Variants in ANKS1B observed in about 807,000 individuals in gnomAD.
The protein encoded by ANKS1B is ankyrin repeat and sterile alpha motif domain containing 1B, also known as ankyrin repeat and sterile alpha motif domain-containing protein 1B.
A neutral mutation model predicts 148.3 loss-of-function variants in ANKS1B; 36 were observed. The observed-to-expected ratio is 0.24, with a 90% CI of 0.19 to 0.32. The LOEUF is 0.32. ANKS1B is among the 10% of genes least tolerant of loss of function. The pLI, the probability that ANKS1B is intolerant of heterozygous loss-of-function variation, is 1.00. For missense variants in ANKS1B, 1,157 were observed against 1,542.6 expected (o/e 0.75, Z 4.19); for synonymous variants, 542 against 560.8 (o/e 0.97, Z 0.47).
intron 16 of ANKS1B, among the ~76,000 whole-genome samples, chr12:99,069,020 C>T (rs1032821891): frequency 2.0e-5 from 3 of 152,198 alleles, no homozygotes; most frequent in Admixed American, 1.3e-4. Flanking sequence ...AGGCAGAACT[C>T]CTTGAGGCAG....
At chr12:99,513,438 T>A (rs143285030) in intron 9 of ANKS1B, among the ~76,000 whole-genome samples, 93 of 152,188 alleles carry the variant, frequency 6.1e-4, no homozygotes, top group African/African-American at 2.2e-3. Flanking sequence ...AGCGTTTAAA[T>A]TGATTTTACT....
chr12:99,602,517 G>A (rs2097810552), intron 9 of ANKS1B, among the ~76,000 whole-genome samples: 1 of 151,972 alleles, frequency 6.6e-6, no homozygotes, highest in Non-Finnish European at 1.5e-5. Context: ...TTCTAGATTT[G>A]GCCTCAAAGT....
At chr12:99,795,482 C>G (rs999063417) in intron 4 of ANKS1B, among the ~76,000 whole-genome samples, 3 of 151,902 alleles carry the variant, frequency 2.0e-5, no homozygotes, top group African/African-American at 7.2e-5. Context: ...TGAGTGGTTA[C>G]TTACAACTCT....
chr12:99,532,992 T>C (rs1289611875), intron 9 of ANKS1B, among the ~76,000 whole-genome samples: 1 of 152,250 alleles, frequency 6.6e-6, no homozygotes, highest in East Asian at 1.9e-4. Context: ...TCCTTAGGAC[T>C]GCTTTTGCTA....
At chr12:98,767,929 C>T (rs185623927) in intron 25 of ANKS1B, among the ~76,000 whole-genome samples, 2 of 152,282 alleles carry the variant, frequency 1.3e-5, no homozygotes, top group East Asian at 3.9e-4. Flanking sequence ...TCTGGCAGTC[C>T]CATTTGTGTA....
chr12:99,301,928 G>A (rs997805916), intron 12 of ANKS1B, among the ~76,000 whole-genome samples: 1 of 152,072 alleles, frequency 6.6e-6, no homozygotes, highest in Non-Finnish European at 1.5e-5. Flanking sequence ...AGCGGGAAAA[G>A]GATATAATTT....
rs34024548 is a variant in ANKS1B at position 99,193,793 on chromosome 12, CTTTTTTTTTTTT to C, written c.2420-39410_2420-39399del. Among the ~76,000 whole-genome samples, 9 of 66,840 alleles carry C rather than the reference CTTTTTTTTTTTT, an allele frequency of 1.3e-4. No individual in the cohort carries two copies. In the South Asian group the frequency reaches 3.8e-3, roughly 28 times the overall value. 43.8% of individuals were successfully genotyped at this position (66,840 alleles called of 152,430 possible). A position where few individuals can be genotyped will look rare whatever the true frequency, so the allele number is the denominator to read the frequency against. ...ACAGATTTTCCATGTATTTCTAGTT[CTTTTTTTTTTTT>C]TTTTTTTTTTTTTTGAGATGGAGTC... On this transcript the variant is annotated intron_variant, in intron 14 of 26. Transcript: ENST00000683438.
chr12:98,907,436 G>A (rs2099780828), intron 17 of ANKS1B, among the ~76,000 whole-genome samples: 1 of 152,134 alleles, frequency 6.6e-6, no homozygotes, highest in Non-Finnish European at 1.5e-5. Context: ...GTCTCATGCT[G>A]GTCCTGCTCA....
intron 17 of ANKS1B, among the ~76,000 whole-genome samples, chr12:98,901,035 T>A (rs911527323): frequency 6.6e-6 from 1 of 152,238 alleles, no homozygotes; most frequent in Non-Finnish European, 1.5e-5. Flanking sequence ...TCATTTTTTT[T>A]AGTAATTAGT....
At chr12:99,238,400 C>T (rs527568957) in intron 14 of ANKS1B, among the ~76,000 whole-genome samples, 32 of 152,268 alleles carry the variant, frequency 2.1e-4, no homozygotes, top group African/African-American at 5.8e-4. Flanking sequence ...ACAAAGCAGC[C>T]GGGAAGCTCC....
At chr12:99,972,995 ATC>A (rs2095578786) in intron 1 of ANKS1B, among the ~76,000 whole-genome samples, 1 of 152,188 alleles carries the variant, frequency 6.6e-6, no homozygotes, top group African/African-American at 2.4e-5. Context: ...ATGACAGCAC[ATC>A]TGTTTGTAGC....
chr12:99,262,633 T>C (rs968180688), intron 12 of ANKS1B, among the ~76,000 whole-genome samples: 1 of 152,050 alleles, frequency 6.6e-6, no homozygotes, highest in Non-Finnish European at 1.5e-5. Context: ...ATGGACATTA[T>C]TTTCCCCCAA....
intron 11 of ANKS1B, among the ~76,000 whole-genome samples, chr12:99,442,231 T>G (rs1393527831): frequency 2.0e-5 from 3 of 151,910 alleles, no homozygotes; most frequent in African/African-American, 4.8e-5. Flanking sequence ...GGTGTCACTA[T>G]GTTACCCAGA....
At chr12:99,843,965 C>T (rs546661417) in intron 1 of ANKS1B, among the ~76,000 whole-genome samples, 6 of 152,038 alleles carry the variant, frequency 3.9e-5, no homozygotes, top group Admixed American at 2.6e-4. Flanking sequence ...GAGATGGTAT[C>T]TCATGTCGTT....
chr12:99,424,418 C>CATGTATAATTGCAATTATTATGTAGATA (rs1426582402), intron 11 of ANKS1B, among the ~76,000 whole-genome samples: 1 of 148,672 alleles, frequency 6.7e-6, no homozygotes, highest in Non-Finnish European at 1.5e-5. Context: ...TAAGAATTAA[C>CATGTATAATTGCAATTATTATGTAGATA]TCCAGAAATA....
chr12:99,165,266 T>A (rs1401077768), intron 14 of ANKS1B, among the ~76,000 whole-genome samples: 1 of 151,306 alleles, frequency 6.6e-6, no homozygotes, highest in African/African-American at 2.4e-5. Flanking sequence ...TAAGCAGAAG[T>A]AAGGAAATAA....
At chr12:99,106,150 G>A (rs2059165714) in intron 15 of ANKS1B, among the ~76,000 whole-genome samples, 1 of 152,164 alleles carries the variant, frequency 6.6e-6, no homozygotes, top group African/African-American at 2.4e-5. Flanking sequence ...ATCTGAGGAC[G>A]ATTTTTCCAA....
intron 6 of ANKS1B, among the ~76,000 whole-genome samples, chr12:99,779,496 A>G (rs2064030237): frequency 1.3e-5 from 2 of 152,218 alleles, no homozygotes; most frequent in Non-Finnish European, 2.9e-5. Flanking sequence ...AAACCAAAGT[A>G]GTAGCAAATC....
At chr12:99,757,352 C>T (rs2061664620) in intron 8 of ANKS1B, among the ~76,000 whole-genome samples, 3 of 152,036 alleles carry the variant, frequency 2.0e-5, no homozygotes, top group African/African-American at 7.2e-5. Context: ...AAATGTGCAA[C>T]ATCACTGATC....
Sources: gnomAD v4.1 joint callset for allele counts (sites outside exome capture counted in the v4.1 genomes callset) on GRCh38, gnomAD v4.1.1 for gene constraint, MANE v1.5 for transcripts, NCBI Gene and HGNC (gene_info 2026-07-23, HGNC 2026-07-21) for gene names.